Variants in UMAD1 observed in about 807,000 individuals in gnomAD.
UMAD1 encodes UBAP1-MVB12-associated (UMA) domain containing 1, also known as UBAP1-MVB12-associated (UMA)-domain containing protein 1.
Under a neutral mutation model 6.1 loss-of-function variants are expected in UMAD1, and 8 were observed. That is an observed-to-expected ratio of 1.30 (90% confidence interval 0.76 to 2.35). UMAD1 has a LOEUF of 2.35. Among genes scored for constraint, UMAD1 ranks in the 30% most tolerant of loss-of-function variants. UMAD1 has a pLI of 0.00. For missense variants in UMAD1, 130 were observed against 78.4 expected (o/e 1.66, Z -2.49); for synonymous variants, 56 against 31.4 (o/e 1.78, Z -2.61).
At chr7:7,737,708 A>T (rs36013459) in intron 2 of UMAD1, among the ~76,000 whole-genome samples, 5,880 of 152,300 alleles carry the variant, frequency 0.039, 162 homozygotes, top group Non-Finnish European at 0.059. Flanking sequence ...CCATCAAAAA[A>T]TGATTGTTTT....
chr7:7,708,128 T>C (rs1400467931), intron 2 of UMAD1, among the ~76,000 whole-genome samples: 1 of 152,128 alleles, frequency 6.6e-6, no homozygotes, highest in Non-Finnish European at 1.5e-5. Flanking sequence ...ATTTGGATCA[T>C]GGTTCTGCTG....
At position 7,749,257 on chromosome 7, in the gene UMAD1, T is replaced by C. The variant is rs528466814; in HGVS notation, c.83-52413T>C. The stretch of plus-strand genomic sequence containing the variant: ...ATTTGATGTGCTAAATTAATTTAAA[T>C]GGTTTTGACACATTTTCCTTGAAGG... On this transcript the variant is annotated intron_variant, in intron 2 of 3. Transcript: ENST00000682710. Among the ~76,000 whole-genome samples, 4 of 152,314 alleles carry C rather than the reference T, an allele frequency of 2.6e-5. No homozygotes were observed. In the East Asian group the frequency reaches 7.7e-4, roughly 29 times the overall value.
At chr7:7,740,757 T>C (rs1287174222) in intron 2 of UMAD1, 1 of 152,238 alleles carries the variant, frequency 6.6e-6, no homozygotes, top group Non-Finnish European at 1.5e-5. Flanking sequence ...GTTTATGTCT[T>C]GACATGTAGA....
At chr7:7,668,701 G>A (rs1779530716) in intron 1 of UMAD1, among the ~76,000 whole-genome samples, 1 of 152,126 alleles carries the variant, frequency 6.6e-6, no homozygotes, top group South Asian at 2.1e-4. Flanking sequence ...TCTAAATAAA[G>A]ATAAAAACTT....
chr7:7,772,643 G>A (rs1187336056), intron 2 of UMAD1, among the ~76,000 whole-genome samples: 7 of 152,290 alleles, frequency 4.6e-5, no homozygotes, highest in East Asian at 3.9e-4. Context: ...TTGTGGAACC[G>A]ATCAGGAAGA....
chr7:7,708,481 A>G (rs576722676), intron 2 of UMAD1, among the ~76,000 whole-genome samples: 179 of 152,264 alleles, frequency 1.2e-3, no homozygotes, highest in African/African-American at 4.1e-3. Flanking sequence ...ACCATTTTGG[A>G]TATAAGGGGA....
intron 3 of UMAD1, among the ~76,000 whole-genome samples, chr7:7,804,441 G>C (rs544959715): frequency 6.6e-6 from 1 of 152,352 alleles, no homozygotes; most frequent in African/African-American, 2.4e-5. Context: ...GGGAAGTCAA[G>C]GTGGGTGGAT....
intron 2 of UMAD1, among the ~76,000 whole-genome samples, chr7:7,723,928 A>G (rs1367961509): frequency 1.3e-5 from 2 of 152,170 alleles, no homozygotes; most frequent in Non-Finnish European, 2.9e-5. Flanking sequence ...TTTATATGAG[A>G]AGAAAATTTT....
At position 7,860,359 on chromosome 7, in the gene UMAD1, G is replaced by A. The variant is rs546818658; in HGVS notation, c.157-16922G>A. The stretch of plus-strand genomic sequence containing the variant: ...ATGGTTTGTGTTTCTCTCACTTCGG[G>A]CCCTTGCTAATTGTCTTCCATCTAC... On this transcript the variant is annotated intron_variant, in intron 3 of 3. Transcript: ENST00000682710. Among the ~76,000 whole-genome samples, 8 of 151,912 alleles carry A rather than the reference G, an allele frequency of 5.3e-5. No individual in the cohort carries two copies. In the East Asian group the frequency reaches 1.5e-3, roughly 29 times the overall value.
rs534852603 is a variant in UMAD1, at chr7:7,663,763, C to T, written c.-63-9546C>T. On this transcript the variant is annotated intron_variant, in intron 1 of 3. Coordinates refer to ENST00000682710, the MANE Select transcript of UMAD1 (RefSeq NM_001302348.2). ...TGGATGCAAAATTGGTTAGTATCCCCGGGGCAATAACGAATGCATTTTACC... is the reference window on the plus strand; with the variant it reads ...TGGATGCAAAATTGGTTAGTATCCCTGGGGCAATAACGAATGCATTTTACC... Among the ~76,000 whole-genome samples, 14 of 152,128 alleles carry T rather than the reference C, an allele frequency of 9.2e-5. 1 individual carries two copies. Among genetic ancestry groups the T allele is most frequent in the African/African-American group, 2.4e-4 (10 of 41,490 alleles).
rs551412597 is a variant in UMAD1 at position 7,744,517 on chromosome 7, G to A, written c.83-57153G>A. ...GCCAGACAATTTTTCAAAGGGATTT[G>A]CTCCATTTCATAGTCCCAACCAGCT... is the stretch of plus-strand genomic sequence containing the variant. On this transcript the variant is annotated intron_variant, in intron 2 of 3. Coordinates refer to ENST00000682710, the MANE Select transcript of UMAD1 (RefSeq NM_001302348.2). Among the ~76,000 whole-genome samples, 77 of 151,444 alleles carry A rather than the reference G, an allele frequency of 5.1e-4. No individual in the cohort carries two copies. The South Asian group carries it at 0.015, about 30-fold the overall frequency.
At position 7,758,201 on chromosome 7, in the gene UMAD1, G is replaced by A. The variant is rs910656238; in HGVS notation, c.83-43469G>A. Among the ~76,000 whole-genome samples, 4 of 151,980 alleles carry A rather than the reference G, an allele frequency of 2.6e-5. No homozygotes were observed. The East Asian group carries it at 5.8e-4, about 22-fold the overall frequency. On this transcript the variant is annotated intron_variant, in intron 2 of 3. Coordinates refer to ENST00000682710, the MANE Select transcript of UMAD1 (RefSeq NM_001302348.2). ...TATGGTTACGGGCATGAGCCACCGCGTTTGGCCTTGGCTGGATTTTTGGTT... is the reference window on the plus strand; with the variant it reads ...TATGGTTACGGGCATGAGCCACCGCATTTGGCCTTGGCTGGATTTTTGGTT...
At chr7:7,674,901 A>G (rs1779700576) in intron 2 of UMAD1, among the ~76,000 whole-genome samples, 1 of 152,116 alleles carries the variant, frequency 6.6e-6, no homozygotes, top group Admixed American at 6.5e-5. Flanking sequence ...TTTTTTCCAA[A>G]AAACTCTTGT....
At position 7,709,191 on chromosome 7, in the gene UMAD1, C is replaced by T. The variant is rs538555782; in HGVS notation, c.82+35738C>T. Among the ~76,000 whole-genome samples the T allele has an allele frequency of 6.6e-5, 10 of 152,184 alleles. 1 individual carries two copies. The highest frequency in any genetic ancestry group is 2.4e-4 in the African/African-American group (10 of 41,526). On this transcript the variant is annotated intron_variant, in intron 2 of 3. Coordinates refer to ENST00000682710, the MANE Select transcript of UMAD1 (RefSeq NM_001302348.2). ...GTTTGAAATTGACTGTCTTTGTTTT[C>T]CTATCTGTGTGCTGAGATTTATCTC...
intron 1 of UMAD1, among the ~76,000 whole-genome samples, chr7:7,657,561 A>C (rs1037570085): frequency 6.6e-6 from 1 of 152,150 alleles, no homozygotes; most frequent in Non-Finnish European, 1.5e-5. Flanking sequence ...AGCATTTATT[A>C]CATAGGGAGT....
chr7:7,842,448 A>C (rs1441051962), intron 3 of UMAD1, among the ~76,000 whole-genome samples: 1 of 152,108 alleles, frequency 6.6e-6, no homozygotes, highest in Non-Finnish European at 1.5e-5. Context: ...CCAATATGAC[A>C]CAAGGTCTTA....
chr7:7,716,913 C>T (rs1780923046), intron 2 of UMAD1, among the ~76,000 whole-genome samples: 1 of 152,088 alleles, frequency 6.6e-6, no homozygotes, highest in South Asian at 2.1e-4. Flanking sequence ...CTGGTCTGAT[C>T]AATCTCTCGT....
chr7:7,694,669 T>G (rs1419794840), intron 2 of UMAD1, among the ~76,000 whole-genome samples: 4 of 152,176 alleles, frequency 2.6e-5, no homozygotes, highest in Admixed American at 2.6e-4. Context: ...CTTATTTCAC[T>G]TAACATAATA....
intron 2 of UMAD1, among the ~76,000 whole-genome samples, chr7:7,791,221 G>A (rs1302314210): frequency 2.0e-5 from 3 of 152,112 alleles, no homozygotes; most frequent in African/African-American, 7.2e-5. Context: ...ACATATTTAG[G>A]CTTTAAGCTG....
Sources: allele counts gnomAD v4.1 joint callset (sites outside exome capture counted in the v4.1 genomes callset), GRCh38; gene constraint gnomAD v4.1.1; transcripts MANE v1.5; gene names NCBI Gene and HGNC (gene_info 2026-07-23, HGNC 2026-07-21).